Variants in DST observed in about 807,000 individuals in gnomAD.
The protein encoded by DST is bullous pemphigoid antigen.
DST carries 253 observed loss-of-function variants against 875.2 expected under a neutral mutation model. That is an observed-to-expected ratio of 0.29 (90% CI 0.26 to 0.32). The LOEUF (loss-of-function observed/expected upper bound fraction) is 0.32. DST is among the 10% of genes least tolerant of loss of function. The pLI, the probability that DST is intolerant of heterozygous loss-of-function variation, is 1.00. For synonymous variants in DST, 3,124 were observed against 3,197.1 expected, an observed-to-expected ratio of 0.98 and a Z score of 0.77; for missense variants, 8,287 against 9,111.6, an observed-to-expected ratio of 0.91 and a Z score of 3.68.
intron 32 of DST, 136 bp from the exon 33 acceptor site, chr6:56,628,297 G>C: frequency 1.3e-6 from 1 of 744,572 alleles, no homozygotes; most frequent in Non-Finnish European, 2.3e-6. Context: ...AAGAACTCAA[G>C]GCTGCAGCAC....
At chr6:56,682,484 C>T (rs1337208757) in intron 9 of DST, among the ~76,000 whole-genome samples, 1 of 152,194 alleles carries the variant, frequency 6.6e-6, no homozygotes, top group African/African-American at 2.4e-5. Context: ...CCGTCATTAC[C>T]TCTACTCTTA....
intron 61 of DST, among the ~76,000 whole-genome samples, chr6:56,538,222 T>C (rs1313237406): frequency 2.0e-5 from 3 of 152,160 alleles, no homozygotes; most frequent in African/African-American, 7.2e-5. Context: ...ACTCCTGGGC[T>C]CAAGCAACCT....
chr6:56,954,369 C>T, intron 1 of DST, 38 bp downstream of exon 1: 1 of 1,339,776 alleles, frequency 7.5e-7, no homozygotes, highest in Non-Finnish European at 9.9e-7. Flanking sequence ...CTTAATTGTT[C>T]CTGGTAGCCC....
intron 49 of DST, among the ~76,000 whole-genome samples, chr6:56,583,233 T>C (rs6921099): frequency 0.27 from 41,778 of 152,096 alleles, 7,044 homozygotes; most frequent in Admixed American, 0.38. Context: ...GTGTTCCTAT[T>C]TCTCCACAGC....
In DST at chr6:56,855,583, C is replaced by A. The variant is rs529329337; in HGVS notation, c.418-3979G>T. ...CAAATATGGCAGACCCACTGAGTAC[C>A]TTCATACCACATTGTTTATTGTCAT... On this transcript the variant is annotated intron_variant, in intron 3 of 103. Coordinates refer to ENST00000680361, the MANE Select transcript of DST (RefSeq NM_001374736.1). Among the ~76,000 whole-genome samples the A allele has an allele frequency of 5.3e-5, 8 of 152,318 alleles. No homozygotes were observed. The South Asian group carries it at 1.7e-3, about 32-fold the overall frequency.
chr6:56,566,590 C>G (rs2152575042), intron 55 of DST, among the ~76,000 whole-genome samples: 1 of 152,272 alleles, frequency 6.6e-6, no homozygotes, highest in African/African-American at 2.4e-5. Context: ...CAGAAATCAC[C>G]CGCCTTCTGC....
intron 47 of DST, among the ~76,000 whole-genome samples, chr6:56,596,007 T>TTTATTTA (rs1554444163): frequency 2.1e-5 from 3 of 145,892 alleles, no homozygotes; most frequent in South Asian, 2.1e-4. Context: ...ACTTTCTTTC[T>TTTATTTA]TTTATTTATT....
In DST at chr6:56,604,352, G is replaced by A. The variant is rs1225315918; in HGVS notation, c.10276C>T (p.Leu3426=). The part of the protein sequence containing the change: ...GVSPMTNSSE[L]KPESRDDPFC... ...GGATCATCTCTACTTTCTGGCTTTA[G>A]TTCTGATGAGTTAGTCATGGGGGAA... is the stretch of plus-strand genomic sequence containing the variant. Residue 3426 remains leucine, a synonymous_variant, in exon 40 of 104, where the codon CTA becomes TTA. Coordinates refer to ENST00000680361, the MANE Select transcript of DST (RefSeq NM_001374736.1). 6.2e-7 allele frequency: 1 copy of A among 1,612,284 alleles called. No individual in the cohort carries two copies. Among genetic ancestry groups the A allele is most frequent in the Non-Finnish European group, 8.5e-7 (1 of 1,179,048 alleles).
At chr6:56,721,045 G>A (rs2099413494) in intron 5 of DST, among the ~76,000 whole-genome samples, 1 of 150,918 alleles carries the variant, frequency 6.6e-6, no homozygotes, top group Non-Finnish European at 1.5e-5. Context: ...CCCAGACAGG[G>A]CAGCTGCCGG....
At chr6:56,858,354 A>G (rs971120541) in intron 3 of DST, among the ~76,000 whole-genome samples, 9 of 142,142 alleles carry the variant, frequency 6.3e-5, no homozygotes, top group Non-Finnish European at 1.1e-4. Flanking sequence ...TTAGAACACA[A>G]ACTCTAGGGT....
intron 9 of DST, among the ~76,000 whole-genome samples, chr6:56,690,430 GC>G (rs745579080): frequency 5.3e-5 from 8 of 152,186 alleles, no homozygotes; most frequent in Non-Finnish European, 1.0e-4. Context: ...CCTCCACAGA[GC>G]CCCCTGAACC....
intron 77 of DST, among the ~76,000 whole-genome samples, chr6:56,504,840 C>A (rs1427215997): frequency 6.6e-6 from 1 of 151,970 alleles, no homozygotes; most frequent in African/African-American, 2.4e-5. Context: ...AGACTATAGG[C>A]ACATGCCACC....
intron 56 of DST, 91 bp downstream of exon 56, chr6:56,562,047 T>TCAAGCCTGAATTA: frequency 1.4e-6 from 1 of 711,982 alleles, no homozygotes; most frequent in Admixed American, 3.0e-5. Context: ...GCTTGAAATT[T>TCAAGCCTGAATTA]CAATATAACT....
Position 56,627,114 on chromosome 6 carries a change from CTGAG to C in DST, c.4722+86_4722+89del. The C allele has an allele frequency of 4.1e-6, 4 of 983,922 alleles. No individual in the cohort carries two copies. In the South Asian group the frequency reaches 5.1e-5, roughly 13 times the overall value. 60.9% of individuals were successfully genotyped at this position (983,922 alleles called of 1,614,324 possible). On this transcript the variant is annotated intron_variant, in intron 34 of 103. Coordinates refer to ENST00000680361, the MANE Select transcript of DST (RefSeq NM_001374736.1). The stretch of plus-strand genomic sequence containing the variant: ...GTTCAAATGAAGATTCTTTTAAACA[CTGAG>C]TGAAATGACTTGCATGGCTTTAACA...
At position 56,694,037 on chromosome 6, in the gene DST, T is replaced by C. The variant is rs998609933; in HGVS notation, c.1047+5616A>G. Among the ~76,000 whole-genome samples the C allele has an allele frequency of 4.0e-5, 6 of 148,776 alleles. 1 individual carries two copies. Among genetic ancestry groups the C allele is most frequent in the African/African-American group, 1.5e-4 (6 of 40,192 alleles). ...TTAGCAAAAGGAAATATATGTGCAT[T>C]CATATATATATATATACATATATAT... On this transcript the variant is annotated intron_variant, in intron 9 of 103. Transcript: ENST00000680361.
Position 56,735,320 on chromosome 6 carries a change from G to C in DST, c.626-31C>G, listed in dbSNP as rs1388584306. On this transcript the variant is annotated intron_variant, in intron 4 of 103. Coordinates refer to ENST00000680361, the MANE Select transcript of DST (RefSeq NM_001374736.1). ...AGGAAAAAATATATATAAAGATAAG[G>C]TTGGTAAAATCTATGAATAGATGAC... is the stretch of plus-strand genomic sequence containing the variant. 3 of 1,337,716 alleles carry C rather than the reference G, an allele frequency of 2.2e-6. No individual in the cohort carries two copies. The South Asian group carries it at 3.9e-5, about 17-fold the overall frequency. 82.9% of individuals were successfully genotyped at this position (1,337,716 alleles called of 1,614,324 possible).
chr6:56,743,248 CTG>C (rs2099554201), intron 4 of DST, among the ~76,000 whole-genome samples: 1 of 152,098 alleles, frequency 6.6e-6, no homozygotes, highest in Non-Finnish European at 1.5e-5. Flanking sequence ...TGAATAGAAA[CTG>C]TATACATAGT....
In DST at chr6:56,594,135, G is replaced by A; in HGVS notation, c.12254C>T (p.Ala4085Val). ...ACCCTGTTTCTCAAGCAACACTTGT[G>A]CAGACTGAGTGGCTATGATCACTGC... Reference protein sequence around the residue: ...HQAVIIATQSAQVLLEKQGQY... With the variant: ...HQAVIIATQSVQVLLEKQGQY... The change falls in exon 48 of 104, where the codon GCA (alanine) becomes GTA (valine). Residue 4085 changes from alanine to valine, a missense_variant. This residue lies in a region of DST where 1,513 missense variants were observed against 1,677.8 expected (regional missense o/e 0.90). Transcript: ENST00000680361. 2 of 1,593,010 alleles carry A rather than the reference G, an allele frequency of 1.3e-6. No individual in the cohort carries two copies. Among genetic ancestry groups the A allele is most frequent in the Non-Finnish European group, 8.5e-7 (1 of 1,171,974 alleles).
chr6:56,854,336 G>A (rs1260947818), intron 3 of DST, among the ~76,000 whole-genome samples: 1 of 151,896 alleles, frequency 6.6e-6, no homozygotes, highest in East Asian at 1.9e-4. Flanking sequence ...CAAAGGAAGA[G>A]GGCTCCTGTA....
Sources: gnomAD v4.1 joint callset for allele counts (sites outside exome capture counted in the v4.1 genomes callset) on GRCh38, gnomAD v4.1.1 for gene constraint, gnomAD v4.1.1 regional missense constraint, MANE v1.5 for transcripts, NCBI Gene and HGNC (gene_info 2026-07-23, HGNC 2026-07-21) for gene names.